Variants in LRRC4C observed in about 807,000 individuals in gnomAD.
The protein encoded by LRRC4C is leucine rich repeat containing 4C.
LRRC4C carries 5 observed loss-of-function variants against 33.6 expected under a neutral mutation model. The ratio of observed to expected loss-of-function variants is 0.15; its 90% CI spans 0.08 to 0.31. The LOEUF (loss-of-function observed/expected upper bound fraction) is 0.31. Ranked by LOEUF, LRRC4C falls within the 10% of genes least tolerant of loss-of-function variation. The pLI is 1.00. For synonymous variants in LRRC4C, 329 were observed against 302.0 expected (o/e 1.09, Z -0.93); for missense variants, 560 against 796.7 (o/e 0.70, Z 3.58).
chr11:40,542,667 A>G (rs1956770336), intron 3 of LRRC4C, among the ~76,000 whole-genome samples: 1 of 151,862 alleles, frequency 6.6e-6, no homozygotes, highest in South Asian at 2.1e-4. Flanking sequence ...GGCTCACTTG[A>G]TCACTTGCTT....
chr11:41,055,778 T>C (rs1858576053), intron 1 of LRRC4C, among the ~76,000 whole-genome samples: 1 of 152,144 alleles, frequency 6.6e-6, no homozygotes, highest in African/African-American at 2.4e-5. Context: ...GATCTAGTTA[T>C]GTGGCAGTAG....
intron 1 of LRRC4C, 57 bp from the exon 2 acceptor site, chr11:40,933,780 C>A (rs1177422596): frequency 2.0e-5 from 3 of 151,940 alleles, no homozygotes; most frequent in Admixed American, 1.3e-4. Flanking sequence ...TAGAAAATAG[C>A]CCAAGCAAAG....
chr11:40,736,873 T>C (rs1346214930), intron 2 of LRRC4C, among the ~76,000 whole-genome samples: 1 of 129,890 alleles, frequency 7.7e-6, no homozygotes, highest in Admixed American at 7.6e-5. Context: ...TTTTTTTTTT[T>C]TGTAAATTTG....
intron 1 of LRRC4C, among the ~76,000 whole-genome samples, chr11:41,061,672 T>C (rs1937777199): frequency 6.6e-6 from 1 of 152,214 alleles, no homozygotes; most frequent in South Asian, 2.1e-4. Context: ...TTGTGAGAGC[T>C]ATAAAGCTAA....
intron 2 of LRRC4C, among the ~76,000 whole-genome samples, chr11:40,881,414 A>G (rs975680916): frequency 9.2e-5 from 14 of 152,260 alleles, no homozygotes; most frequent in Admixed American, 9.2e-4. Context: ...CAAGTTACTT[A>G]AGGGTAAGAT....
intron 2 of LRRC4C, among the ~76,000 whole-genome samples, chr11:40,798,014 G>GT (rs1197243769): frequency 6.6e-6 from 1 of 152,128 alleles, no homozygotes; most frequent in Non-Finnish European, 1.5e-5. Context: ...GCAACTAGAG[G>GT]TTGAACAGTT....
At chr11:40,648,370 A>G (rs1192596315) in intron 2 of LRRC4C, 92 bp from the exon 3 acceptor site, 4 of 152,342 alleles carry the variant, frequency 2.6e-5, no homozygotes, top group African/African-American at 9.6e-5. Flanking sequence ...ACACTAAAAA[A>G]AAATTAAAAA....
chr11:40,633,483 G>T lies in LRRC4C; in HGVS notation c.-270+14659C>A, dbSNP rs541620186. ...GGCTCACTGCAACCTCCTCCTCCTA[G>T]GTTCAAGTGATTCTCCTGCCTCAGC... On this transcript the variant is annotated intron_variant, in intron 3 of 6. Coordinates refer to ENST00000528697, the MANE Select transcript of LRRC4C (RefSeq NM_001258419.2). Among the ~76,000 whole-genome samples, 8 of 150,678 alleles carry T rather than the reference G, an allele frequency of 5.3e-5. No individual in the cohort carries two copies. The South Asian group carries it at 1.7e-3, about 31-fold the overall frequency.
intron 3 of LRRC4C, among the ~76,000 whole-genome samples, chr11:40,594,272 GT>G (rs948025015): frequency 6.6e-6 from 1 of 152,334 alleles, no homozygotes; most frequent in African/African-American, 2.4e-5. Context: ...ATTATGCTGG[GT>G]TTTTTATGTA....
At chr11:40,195,684 A>G (rs971141671) in intron 5 of LRRC4C, among the ~76,000 whole-genome samples, 4 of 152,110 alleles carry the variant, frequency 2.6e-5, no homozygotes, top group South Asian at 4.1e-4. Context: ...TTAAATTCTA[A>G]TATGTAAAGA....
chr11:40,517,254 C>G (rs1332227467), intron 3 of LRRC4C, among the ~76,000 whole-genome samples: 3 of 152,118 alleles, frequency 2.0e-5, no homozygotes, highest in Non-Finnish European at 4.4e-5. Context: ...TCCCATCTTA[C>G]ATAGATATAT....
chr11:41,335,257 CATT>C (rs1255236036), intron 1 of LRRC4C, among the ~76,000 whole-genome samples: 1 of 152,030 alleles, frequency 6.6e-6, no homozygotes, highest in Non-Finnish European at 1.5e-5. Flanking sequence ...TTAGAAATTC[CATT>C]TCATTGGTAA....
At chr11:40,840,868 G>A (rs1250532137) in intron 2 of LRRC4C, among the ~76,000 whole-genome samples, 1 of 152,078 alleles carries the variant, frequency 6.6e-6, no homozygotes, top group Non-Finnish European at 1.5e-5. Context: ...TATGCTCTGG[G>A]AACCAAATGG....
At chr11:40,705,270 G>A (rs946051471) in intron 2 of LRRC4C, among the ~76,000 whole-genome samples, 4 of 151,864 alleles carry the variant, frequency 2.6e-5, no homozygotes, top group African/African-American at 7.3e-5. Context: ...GGTTTGTTAC[G>A]TATGTATATA....
chr11:40,640,404 G>GTTAGGT (rs1476444034), intron 3 of LRRC4C, among the ~76,000 whole-genome samples: 3 of 151,810 alleles, frequency 2.0e-5, no homozygotes, highest in Non-Finnish European at 4.4e-5. Context: ...ATGAACTATT[G>GTTAGGT]CCTTTATCAT....
At chr11:40,945,017 G>GTTTTTTTTTTT (rs1958327148) in intron 1 of LRRC4C, among the ~76,000 whole-genome samples, 1 of 134,656 alleles carries the variant, frequency 7.4e-6, no homozygotes, top group Admixed American at 7.2e-5. Context: ...CAACTTTGCA[G>GTTTTTTTTTTT]TTTTTCTTTT....
rs74698712 is a variant in LRRC4C, at chr11:41,274,233, C to T, written c.-496+185198G>A. ...AGAGGAGGCACTTCGAGTTTCATTT[C>T]ACGTAGAAGGAAACCCAACAGATGG... On this transcript the variant is annotated intron_variant, in intron 1 of 6. Coordinates refer to ENST00000528697, the MANE Select transcript of LRRC4C (RefSeq NM_001258419.2). Among the ~76,000 whole-genome samples, 910 of 152,196 alleles carry T rather than the reference C, an allele frequency of 6.0e-3. 9 individuals are homozygous for T. The highest frequency in any genetic ancestry group is 0.021 in the African/African-American group (858 of 41,544).
intron 2 of LRRC4C, among the ~76,000 whole-genome samples, chr11:40,908,709 T>C (rs1956536007): frequency 6.6e-6 from 1 of 152,162 alleles, no homozygotes; most frequent in Non-Finnish European, 1.5e-5. Context: ...ACTATTCAAA[T>C]GAGTTTGTGG....
At chr11:41,281,042 T>TC (rs1949647009) in intron 1 of LRRC4C, among the ~76,000 whole-genome samples, 141 of 76,232 alleles carry the variant, frequency 1.8e-3, no homozygotes, top group African/African-American at 7.4e-3. Flanking sequence ...AATACATATT[T>TC]TCTCTCTCTC....
Sources: gnomAD v4.1 joint callset for allele counts (sites outside exome capture counted in the v4.1 genomes callset) on GRCh38, gnomAD v4.1.1 for gene constraint, MANE v1.5 for transcripts, NCBI Gene and HGNC (gene_info 2026-07-23, HGNC 2026-07-21) for gene names.